Variants in CSMD3 observed in about 807,000 individuals in gnomAD.
CSMD3 encodes CUB and Sushi multiple domains 3.
In CSMD3, 177 loss-of-function variants were observed where a neutral mutation model predicts 435.2. That is an observed-to-expected ratio of 0.41 (90% CI 0.36 to 0.46). The LOEUF (loss-of-function observed/expected upper bound fraction) is 0.46. Ranked by LOEUF, CSMD3 falls within the 20% of genes least tolerant of loss-of-function variation. The probability of loss-of-function intolerance (pLI) is 0.34; values close to 1 mark genes in which losing one functional copy is unlikely to be tolerated. For synonymous variants in CSMD3, 1,656 were observed against 1,520.5 expected (o/e 1.09, Z -2.07); for missense variants, 4,265 against 4,504.6 (o/e 0.95, Z 1.52).
intron 10 of CSMD3, among the ~76,000 whole-genome samples, chr8:112,899,599 T>A (rs1399639547): frequency 2.0e-5 from 2 of 100,026 alleles, no homozygotes; most frequent in Non-Finnish European, 4.0e-5. Context: ...CTTGTCTATT[T>A]TATATATATA....
chr8:112,959,582 GTCT>G (rs2084154405), intron 7 of CSMD3, among the ~76,000 whole-genome samples: 1 of 151,414 alleles, frequency 6.6e-6, no homozygotes, highest in South Asian at 2.1e-4. Context: ...TGCCTTTCTC[GTCT>G]TCTTTTGTGC....
intron 3 of CSMD3, among the ~76,000 whole-genome samples, chr8:113,237,949 C>A (rs1262785953): frequency 6.6e-6 from 1 of 151,812 alleles, no homozygotes; most frequent in Non-Finnish European, 1.5e-5. Flanking sequence ...ATGGTGGGCA[C>A]CTGTAATCCC....
At chr8:112,278,726 AT>A (rs1012820646) in intron 59 of CSMD3, among the ~76,000 whole-genome samples, 22 of 152,250 alleles carry the variant, frequency 1.4e-4, no homozygotes, top group African/African-American at 4.6e-4. Flanking sequence ...GGCTTTAGGT[AT>A]CTAAAACAAC....
intron 1 of CSMD3, among the ~76,000 whole-genome samples, chr8:113,354,091 A>G (rs80354667): frequency 6.6e-6 from 1 of 152,310 alleles, no homozygotes; most frequent in East Asian, 1.9e-4. Context: ...CTTTAAATTA[A>G]TGAATGACCG....
intron 5 of CSMD3, among the ~76,000 whole-genome samples, chr8:113,066,104 C>A (rs1588001564): frequency 7.4e-6 from 1 of 134,774 alleles, no homozygotes. Flanking sequence ...TTGCTCTTGT[C>A]TCAAGGTCAA....
At position 112,454,432 on chromosome 8, in the gene CSMD3, C is replaced by T. The variant is rs191206806; in HGVS notation, c.5395+18159G>A. ...AATGCAACAAATAAATAACCAATAA[C>T]TCCACCAAAACATGGGCAAATAACA... On this transcript the variant is annotated intron_variant, in intron 32 of 70. Coordinates refer to ENST00000297405, the MANE Select transcript of CSMD3 (RefSeq NM_198123.2). 2.7e-4 allele frequency among the ~76,000 whole-genome samples: 41 copies of T among 152,218 alleles called. No individual in the cohort carries two copies. The South Asian group carries it at 6.4e-3, about 24-fold the overall frequency.
intron 1 of CSMD3, among the ~76,000 whole-genome samples, chr8:113,331,477 G>A (rs1052649559): frequency 4.6e-5 from 7 of 151,486 alleles, no homozygotes; most frequent in South Asian, 2.1e-4. Flanking sequence ...AAGACAATGC[G>A]AGATAAAAAT....
chr8:113,149,132 A>C (rs1168773281), intron 4 of CSMD3, among the ~76,000 whole-genome samples: 1 of 151,818 alleles, frequency 6.6e-6, no homozygotes, highest in Non-Finnish European at 1.5e-5. Context: ...TTTAGGAAAG[A>C]GAGGCAAAAT....
intron 2 of CSMD3, among the ~76,000 whole-genome samples, chr8:113,296,383 G>A (rs935327983): frequency 6.6e-6 from 1 of 151,884 alleles, no homozygotes; most frequent in Non-Finnish European, 1.5e-5. Context: ...ACTGGTTGAG[G>A]TGGCACATGC....
In CSMD3 at chr8:113,250,914, A is replaced by G. The variant is rs574924253; in HGVS notation, c.514+27678T>C. ...TATTTATGAATAGAATTGGGCATTC[A>G]AAAAATAAATAAAGTGTAAATTACA... On this transcript the variant is annotated intron_variant, in intron 3 of 70. Transcript: ENST00000297405. 1.3e-3 allele frequency among the ~76,000 whole-genome samples: 201 copies of G among 152,226 alleles called. 1 individual carries two copies. The highest frequency in any genetic ancestry group is 4.7e-3 in the African/African-American group (195 of 41,576).
At chr8:113,303,531 C>T (rs1418680854) in intron 2 of CSMD3, among the ~76,000 whole-genome samples, 3 of 150,098 alleles carry the variant, frequency 2.0e-5, no homozygotes, top group Non-Finnish European at 4.5e-5. Flanking sequence ...GCTACAGTAA[C>T]CAAAACAGCA....
intron 1 of CSMD3, among the ~76,000 whole-genome samples, chr8:113,349,910 C>T (rs1238325356): frequency 6.6e-6 from 1 of 151,884 alleles, no homozygotes; most frequent in Admixed American, 6.6e-5. Flanking sequence ...GTATGACTTG[C>T]TTTTTCCAAT....
At chr8:112,965,963 T>G (rs1172318044) in intron 7 of CSMD3, among the ~76,000 whole-genome samples, 2 of 151,832 alleles carry the variant, frequency 1.3e-5, no homozygotes, top group Non-Finnish European at 2.9e-5. Context: ...CATGAATTAT[T>G]AAATAGCTCT....
At position 112,341,667 on chromosome 8, in the gene CSMD3, T is replaced by G. The variant is rs1341031334; in HGVS notation, c.6462A>C (p.Val2154=). 2 of 1,608,504 alleles carry G rather than the reference T, an allele frequency of 1.2e-6. No individual in the cohort carries two copies. Among genetic ancestry groups the G allele is most frequent in the Admixed American group, 3.3e-5 (2 of 59,926 alleles). ...CATGTATGGTTTCTGTAGAAAAATT[T>G]ACAAACTGGAGATGTACACCTGAAG... ...PIGFGVHLQF[V]NFSTETIHDY... Residue 2154 remains valine (V), a synonymous_variant, in exon 42 of 71, where the codon GTA becomes GTC. Transcript: ENST00000297405.
intron 12 of CSMD3, among the ~76,000 whole-genome samples, chr8:112,811,591 C>A (rs1311277169): frequency 6.6e-6 from 1 of 152,058 alleles, no homozygotes; most frequent in Non-Finnish European, 1.5e-5. Flanking sequence ...GTATATTTTT[C>A]TTTTGATAAA....
At chr8:113,075,808 G>A (rs1034603819) in intron 5 of CSMD3, among the ~76,000 whole-genome samples, 5 of 151,660 alleles carry the variant, frequency 3.3e-5, no homozygotes, top group African/African-American at 1.2e-4. Context: ...AAAAAAATTT[G>A]TAAAGTATGC....
chr8:112,581,127 T>A (rs1416967781), intron 23 of CSMD3, among the ~76,000 whole-genome samples: 1 of 152,086 alleles, frequency 6.6e-6, no homozygotes, highest in Admixed American at 6.6e-5. Context: ...AAAAACATTA[T>A]CTAATTTAGT....
intron 1 of CSMD3, among the ~76,000 whole-genome samples, chr8:113,332,888 T>TA (rs2094039008): frequency 6.6e-6 from 1 of 151,710 alleles, no homozygotes; most frequent in South Asian, 2.1e-4. Flanking sequence ...ATTTCAAAGC[T>TA]ACAGTAATTA....
intron 32 of CSMD3, among the ~76,000 whole-genome samples, chr8:112,415,304 C>A (rs1811789897): frequency 6.6e-6 from 1 of 152,194 alleles, no homozygotes; most frequent in Admixed American, 6.5e-5. Flanking sequence ...CAGCTTGAGC[C>A]ATTACTTCAA....
Sources: allele counts gnomAD v4.1 joint callset (sites outside exome capture counted in the v4.1 genomes callset), GRCh38; gene constraint gnomAD v4.1.1; transcripts MANE v1.5; gene names NCBI Gene and HGNC (gene_info 2026-07-23, HGNC 2026-07-21).